XPNPEP1: variants seen among roughly 807,000 people sequenced by gnomAD.
XPNPEP1 encodes the protein xaa-Pro aminopeptidase 1.
XPNPEP1 carries 39 observed loss-of-function variants against 92.4 expected under a neutral mutation model. The ratio of observed to expected loss-of-function variants is 0.42; its 90% CI spans 0.33 to 0.55. XPNPEP1 has a LOEUF of 0.55. Among genes scored for constraint, XPNPEP1 ranks in the 20% least tolerant of loss-of-function variants. The probability of loss-of-function intolerance (pLI) is 0.08; values close to 1 mark genes in which losing one functional copy is unlikely to be tolerated. For synonymous variants in XPNPEP1, 307 were observed against 299.4 expected (o/e 1.03, Z -0.26); for missense variants, 654 against 856.1 (o/e 0.76, Z 2.95).
Position 109,886,455 on chromosome 10 carries a change from G to A in XPNPEP1, c.653-114C>T, listed in dbSNP as rs1231005601. The A allele has an allele frequency of 3.7e-5, 36 of 962,634 alleles. No homozygotes were observed. In the East Asian group the frequency reaches 5.0e-4, roughly 13 times the overall value. The allele number at this position is 962,634 out of a possible 1,614,324, so 59.6% of individuals were successfully genotyped here. ...TCAGCACCATTTCTTACAGGAGCAC[G>A]CTACTTAAACAGGCAGGAGGCCTGG... On this transcript the variant is annotated intron_variant, in intron 7 of 20. Coordinates refer to ENST00000502935, the MANE Select transcript of XPNPEP1 (RefSeq NM_020383.4).
At chr10:109,876,170 T>C (rs1159808323) in intron 14 of XPNPEP1, 1 of 152,600 alleles carries the variant, frequency 6.6e-6, no homozygotes, top group Non-Finnish European at 1.5e-5. Context: ...GATCACGATA[T>C]TCTTCTGCTT....
rs568228377 is a variant in XPNPEP1 at position 109,907,706 on chromosome 10, C to G, written c.231G>C (p.Ser77=). 3.1e-6 allele frequency: 5 copies of G among 1,614,182 alleles called. No homozygotes were observed. The South Asian group carries it at 5.5e-5, about 18-fold the overall frequency. Reference sequence around the variant, plus strand: ...CATGCAGTACCTGATGAGCATCTCCCGATGGGATGATGTAGGCCTGGATCG... The same window carrying G: ...CATGCAGTACCTGATGAGCATCTCCGGATGGGATGATGTAGGCCTGGATCG... ...TEPIQAYIIP[S]GDAHQSEYIA... Residue 77 remains serine (S), a synonymous_variant, in exon 3 of 21, where the codon TCG becomes TCC. Coordinates refer to ENST00000502935, the MANE Select transcript of XPNPEP1 (RefSeq NM_020383.4).
chr10:109,879,919 A>G (rs757908006), intron 12 of XPNPEP1, among the ~76,000 whole-genome samples: 10 of 152,224 alleles, frequency 6.6e-5, no homozygotes, highest in Non-Finnish European at 1.5e-4. Flanking sequence ...TTATAATGAA[A>G]TTCCACTTAG....
chr10:109,894,977 C>T (rs1271000771), intron 3 of XPNPEP1, among the ~76,000 whole-genome samples: 1 of 152,216 alleles, frequency 6.6e-6, no homozygotes, highest in South Asian at 2.1e-4. Flanking sequence ...GTGGCCCACA[C>T]ATCTCCTAGG....
chr10:109,866,710 C>A (rs1450299546), intron 20 of XPNPEP1, among the ~76,000 whole-genome samples: 2 of 152,136 alleles, frequency 1.3e-5, no homozygotes, highest in Non-Finnish European at 2.9e-5. Context: ...GATGCAGACC[C>A]AAACCAAAAA....
chr10:109,906,928 T>C (rs558972142), intron 3 of XPNPEP1, among the ~76,000 whole-genome samples: 8 of 152,336 alleles, frequency 5.3e-5, no homozygotes, highest in African/African-American at 1.9e-4. Context: ...CACAGCCTTC[T>C]GTCCAGATTT....
chr10:109,916,899 C>T (rs1306826625), intron 1 of XPNPEP1, among the ~76,000 whole-genome samples: 1 of 152,114 alleles, frequency 6.6e-6, no homozygotes, highest in African/African-American at 2.4e-5. Flanking sequence ...TCAACAAACG[C>T]AGAAAAAGCA....
At chr10:109,900,650 CCT>C (rs1315483465) in intron 3 of XPNPEP1, among the ~76,000 whole-genome samples, 2 of 152,144 alleles carry the variant, frequency 1.3e-5, no homozygotes. Context: ...AAGTCCAGGC[CCT>C]CTTTACCCCA....
At chr10:109,907,539 A>C in intron 3 of XPNPEP1, 152 bp downstream of exon 3, 1 of 1,211,602 alleles carries the variant, frequency 8.3e-7, no homozygotes, top group South Asian at 1.7e-5. Flanking sequence ...ACAAGCATTC[A>C]GTGAGACCTA....
intron 1 of XPNPEP1, among the ~76,000 whole-genome samples, chr10:109,919,205 C>T (rs1447758710): frequency 6.6e-6 from 1 of 152,154 alleles, no homozygotes; most frequent in Non-Finnish European, 1.5e-5. Context: ...TGGATGACAA[C>T]CCACAGAATG....
intron 2 of XPNPEP1, among the ~76,000 whole-genome samples, chr10:109,914,448 G>GA (rs1039578879): frequency 3.3e-5 from 5 of 151,388 alleles, no homozygotes; most frequent in Admixed American, 1.3e-4. Flanking sequence ...AATGGAAAAC[G>GA]AAAAAAACAA....
At chr10:109,879,785 G>T (rs74154905) in intron 12 of XPNPEP1, among the ~76,000 whole-genome samples, 1,871 of 151,750 alleles carry the variant, frequency 0.012, 44 homozygotes, top group African/African-American at 0.043. Context: ...AGAAATTAAT[G>T]GCCAAGAGTC....
intron 2 of XPNPEP1, among the ~76,000 whole-genome samples, chr10:109,908,134 T>C (rs1849658815): frequency 6.6e-6 from 1 of 152,232 alleles, no homozygotes; most frequent in South Asian, 2.1e-4. Context: ...AATTTAGGTG[T>C]TTATCTTTGT....
chr10:109,865,447 A>G (rs1455174208), intron 20 of XPNPEP1, 135 bp from the exon 21 acceptor site: 7 of 1,143,200 alleles, frequency 6.1e-6, no homozygotes, highest in Non-Finnish European at 8.7e-6. Flanking sequence ...CTTTCTCCTT[A>G]CTCACAGGTA....
chr10:109,884,390 G>A (rs1848276770), intron 8 of XPNPEP1: 4 of 478,644 alleles, frequency 8.4e-6, no homozygotes, highest in East Asian at 3.6e-5. Context: ...CCCGGAGAAG[G>A]GAATAAAAGC....
intron 3 of XPNPEP1, among the ~76,000 whole-genome samples, chr10:109,905,709 T>C (rs1465555391): frequency 6.6e-6 from 1 of 152,188 alleles, no homozygotes; most frequent in Non-Finnish European, 1.5e-5. Flanking sequence ...ATAAATGTCA[T>C]ATTATACATT....
intron 7 of XPNPEP1, among the ~76,000 whole-genome samples, chr10:109,887,747 A>G (rs966071240): frequency 2.0e-5 from 3 of 152,190 alleles, no homozygotes; most frequent in African/African-American, 4.8e-5. Flanking sequence ...AATATCAAAT[A>G]CGTTCGAGTG....
At chr10:109,869,523 C>T (rs1042157612) in intron 19 of XPNPEP1, among the ~76,000 whole-genome samples, 1 of 152,082 alleles carries the variant, frequency 6.6e-6, no homozygotes, top group African/African-American at 2.4e-5. Context: ...AGCTTCCAGG[C>T]CCCCCACCCT....
At position 109,923,491 on chromosome 10, in the gene XPNPEP1, G is replaced by C; in HGVS notation, c.-58C>G. The C allele has an allele frequency of 7.5e-7, 1 of 1,328,814 alleles. No individual in the cohort carries two copies. The highest frequency in any genetic ancestry group is 9.7e-7 in the Non-Finnish European group (1 of 1,031,328). The allele number at this position is 1,328,814 out of a possible 1,614,324, so 82.3% of individuals were successfully genotyped here. On this transcript the variant is annotated 5_prime_UTR_variant, in exon 1 of 21. Transcript: ENST00000502935. ...GAGCGCAGACCAGCTGATCACCCGCGGAAGGGCCGGCGCGAAGGAGGCGCG... is the reference window on the plus strand; with the variant it reads ...GAGCGCAGACCAGCTGATCACCCGCCGAAGGGCCGGCGCGAAGGAGGCGCG...
Sources: gnomAD v4.1 joint callset for allele counts (sites outside exome capture counted in the v4.1 genomes callset) on GRCh38, gnomAD v4.1.1 for gene constraint, MANE v1.5 for transcripts, NCBI Gene and HGNC (gene_info 2026-07-23, HGNC 2026-07-21) for gene names.